CDC42SE2: variants seen among roughly 807,000 people sequenced by gnomAD.
The protein encoded by CDC42SE2 is CDC42 small effector protein 2.
CDC42SE2 carries 3 observed loss-of-function variants against 11.5 expected under a neutral mutation model. The observed-to-expected ratio is 0.26, with a 90% CI of 0.12 to 0.67. The LOEUF is 0.67. CDC42SE2 is among the 30% of genes least tolerant of loss of function. CDC42SE2 has a pLI of 0.80. For missense variants in CDC42SE2, 82 were observed against 106.8 expected (o/e 0.77, Z 1.02); for synonymous variants, 33 against 34.8 (o/e 0.95, Z 0.18).
chr5:131,375,663 T>C (rs1456121164), intron 3 of CDC42SE2, among the ~76,000 whole-genome samples: 2 of 152,198 alleles, frequency 1.3e-5, no homozygotes, highest in Admixed American at 6.5e-5. Context: ...TACAAGTTCA[T>C]GTATAGAAGA....
chr5:131,234,232 A>C, the CDC42SE2 span, among the ~76,000 whole-genome samples: 2 of 152,252 alleles, frequency 1.3e-5, no homozygotes, highest in Admixed American at 6.5e-5. Flanking sequence ...TTTGCAAATC[A>C]GATAGGTAAA....
At chr5:131,284,636 A>G (rs2149704698) in intron 1 of CDC42SE2, among the ~76,000 whole-genome samples, 1 of 152,032 alleles carries the variant, frequency 6.6e-6, no homozygotes, top group South Asian at 2.1e-4. Context: ...ATGCCCAGCT[A>G]ATTTAAAAAT....
At chr5:131,346,418 A>G (rs1166235955) in intron 2 of CDC42SE2, among the ~76,000 whole-genome samples, 1 of 152,238 alleles carries the variant, frequency 6.6e-6, no homozygotes, top group Admixed American at 6.5e-5. Context: ...GTCATTGCGT[A>G]ATGGTAAAGG....
At chr5:131,210,140 C>T in the CDC42SE2 span, among the ~76,000 whole-genome samples, 2 of 152,184 alleles carry the variant, frequency 1.3e-5, no homozygotes. Context: ...ATGCTGGTGT[C>T]ATGCTTGCAC....
At chr5:131,314,274 G>A (rs1478769017) in intron 1 of CDC42SE2, among the ~76,000 whole-genome samples, 4 of 148,308 alleles carry the variant, frequency 2.7e-5, no homozygotes, top group Non-Finnish European at 3.0e-5. Context: ...CTCTGTTGCC[G>A]GGGTTGGAGT....
chr5:131,254,235 C>T (rs1435487582), intron 1 of CDC42SE2, among the ~76,000 whole-genome samples: 1 of 152,056 alleles, frequency 6.6e-6, no homozygotes, highest in African/African-American at 2.4e-5. Flanking sequence ...GATTTTTTCA[C>T]ATGTGTATAG....
At chr5:131,283,472 T>C (rs1016065615) in intron 1 of CDC42SE2, among the ~76,000 whole-genome samples, 2 of 152,092 alleles carry the variant, frequency 1.3e-5, no homozygotes, top group African/African-American at 2.4e-5. Flanking sequence ...GATTTATTCA[T>C]ATAGCATGTA....
At chr5:131,362,206 TACA>T (rs1198193540) in intron 3 of CDC42SE2, among the ~76,000 whole-genome samples, 2 of 152,220 alleles carry the variant, frequency 1.3e-5, no homozygotes, top group Non-Finnish European at 2.9e-5. Context: ...CCCGTATCAG[TACA>T]ACATTTACAT....
intron 4 of CDC42SE2, among the ~76,000 whole-genome samples, chr5:131,388,617 C>A (rs1156974383): frequency 2.0e-5 from 3 of 152,130 alleles, no homozygotes; most frequent in African/African-American, 7.2e-5. Context: ...TTTCCGTTAC[C>A]CGTTCAGTAA....
chr5:131,369,037 G>A (rs1309837741), intron 3 of CDC42SE2, among the ~76,000 whole-genome samples: 2 of 152,128 alleles, frequency 1.3e-5, no homozygotes, highest in Non-Finnish European at 2.9e-5. Context: ...AATTACACAC[G>A]TGCCTGTTCC....
At position 131,391,099 on chromosome 5, in the gene CDC42SE2, CCTT is replaced by C; in HGVS notation, c.*9_*11del. On this transcript the variant is annotated 3_prime_UTR_variant, in exon 5 of 5. Coordinates refer to ENST00000505065, the MANE Select transcript of CDC42SE2 (RefSeq NM_001375635.1). ...GATACGAAGGCGGGATAGCCCTGGT[CCTT>C]TCTCCAGTGAGTACTCAGAGCTGGG... The C allele has an allele frequency of 6.2e-7, 1 of 1,607,906 alleles. No individual in the cohort carries two copies. Among genetic ancestry groups the C allele is most frequent in the African/African-American group, 1.3e-5 (1 of 74,882 alleles).
intron 1 of CDC42SE2, among the ~76,000 whole-genome samples, chr5:131,282,371 C>T (rs1380536989): frequency 2.0e-5 from 3 of 152,114 alleles, no homozygotes; most frequent in Admixed American, 6.6e-5. Flanking sequence ...GCAAGTTTCT[C>T]TTATCAGATT....
chr5:131,342,273 CT>C (rs1758728340), intron 2 of CDC42SE2, among the ~76,000 whole-genome samples: 2 of 35,088 alleles, frequency 5.7e-5, no homozygotes, highest in Non-Finnish European at 1.1e-4. Context: ...AGTAAGACTC[CT>C]TCTCAAAAAA....
intron 1 of CDC42SE2, among the ~76,000 whole-genome samples, chr5:131,306,448 G>T (rs1312262292): frequency 6.6e-6 from 1 of 151,970 alleles, no homozygotes; most frequent in Non-Finnish European, 1.5e-5. Context: ...CTGTTCTGTT[G>T]GTCAGTATTT....
intron 2 of CDC42SE2, among the ~76,000 whole-genome samples, chr5:131,345,546 G>A (rs1369645470): frequency 6.6e-6 from 1 of 152,198 alleles, no homozygotes; most frequent in African/African-American, 2.4e-5. Context: ...AAGTGACGGG[G>A]AGAATGGAAC....
intron 2 of CDC42SE2, among the ~76,000 whole-genome samples, chr5:131,318,612 G>A (rs80117090): frequency 6.6e-6 from 1 of 152,206 alleles, no homozygotes; most frequent in South Asian, 2.1e-4. Flanking sequence ...GTAGAGCAGA[G>A]AAAAGCCATG....
chr5:131,292,965 A>G (rs1162920161), intron 1 of CDC42SE2, among the ~76,000 whole-genome samples: 1 of 151,098 alleles, frequency 6.6e-6, no homozygotes, highest in Non-Finnish European at 1.5e-5. Flanking sequence ...GCAAAAGAAC[A>G]TAGTTGTTCA....
chr5:131,301,361 A>G (rs751268275), intron 1 of CDC42SE2, among the ~76,000 whole-genome samples: 18 of 152,180 alleles, frequency 1.2e-4, no homozygotes, highest in Non-Finnish European at 2.2e-4. Flanking sequence ...GAAATGATAA[A>G]TGTTTGAAAT....
the CDC42SE2 span, among the ~76,000 whole-genome samples, chr5:131,222,345 A>G: frequency 6.6e-6 from 1 of 152,224 alleles, no homozygotes; most frequent in Admixed American, 6.5e-5. Context: ...TTTTGCTACA[A>G]GACTGCCTGG....
Sources: allele counts gnomAD v4.1 joint callset (sites outside exome capture counted in the v4.1 genomes callset), GRCh38; gene constraint gnomAD v4.1.1; transcripts MANE v1.5; gene names NCBI Gene and HGNC (gene_info 2026-07-23, HGNC 2026-07-21).